The following SVIL variants were observed in gnomAD, a reference collection of about 807,000 sequenced individuals.
The protein encoded by SVIL is archvillin.
A neutral mutation model predicts 240.4 loss-of-function variants in SVIL; 101 were observed. That is an observed-to-expected ratio of 0.42 (90% CI 0.36 to 0.50). SVIL has a LOEUF of 0.50. Ranked by LOEUF, SVIL falls within the 20% of genes least tolerant of loss-of-function variation. The pLI, the probability that SVIL is intolerant of heterozygous loss-of-function variation, is 0.01. For missense variants in SVIL, 2,512 were observed against 2,818.7 expected (o/e 0.89, Z 2.46); for synonymous variants, 999 against 1,100.0 (o/e 0.91, Z 1.82).
chr10:29,695,247 G>T (rs553168011), intron 1 of SVIL, among the ~76,000 whole-genome samples: 1 of 152,254 alleles, frequency 6.6e-6, no homozygotes, highest in Admixed American at 6.5e-5. Flanking sequence ...TAGTAATTTT[G>T]AAGGTTGACT....
chr10:29,637,256 G>A (rs529789100), upstream of SVIL, among the ~76,000 whole-genome samples: 192 of 152,222 alleles, frequency 1.3e-3, no homozygotes, highest in African/African-American at 4.3e-3. Flanking sequence ...AGGCCGAGGC[G>A]GGTGGATCAC....
At chr10:29,630,829 G>C (rs961598201) in intron 1 of SVIL, among the ~76,000 whole-genome samples, 1 of 152,082 alleles carries the variant, frequency 6.6e-6, no homozygotes, top group Non-Finnish European at 1.5e-5. Context: ...GTACTGGATG[G>C]ATCACAGCCA....
At chr10:29,649,198 A>T (rs939914205) in intron 3 of SVIL, among the ~76,000 whole-genome samples, 3 of 152,140 alleles carry the variant, frequency 2.0e-5, no homozygotes, top group African/African-American at 7.2e-5. Context: ...TAAGCCAGAA[A>T]TTTTTTCATG....
intron 2 of SVIL, among the ~76,000 whole-genome samples, chr10:29,675,838 T>A (rs968441689): frequency 6.6e-6 from 1 of 152,238 alleles, no homozygotes; most frequent in Non-Finnish European, 1.5e-5. Flanking sequence ...CCCATAGAAC[T>A]GATGTTTATG....
upstream of SVIL, among the ~76,000 whole-genome samples, chr10:29,636,558 T>C (rs1958317383): frequency 6.6e-6 from 1 of 152,212 alleles, no homozygotes; most frequent in African/African-American, 2.4e-5. Context: ...GTCACTTCTT[T>C]TATATATCCT....
At chr10:29,528,695 G>A (rs1004933532) in intron 12 of SVIL, among the ~76,000 whole-genome samples, 9 of 151,966 alleles carry the variant, frequency 5.9e-5, no homozygotes, top group South Asian at 4.2e-4. Context: ...CCAAGATGGC[G>A]CACTGCATTC....
At chr10:29,590,798 T>C (rs1435182378) in intron 1 of SVIL, among the ~76,000 whole-genome samples, 5 of 152,308 alleles carry the variant, frequency 3.3e-5, no homozygotes, top group Admixed American at 2.0e-4. Flanking sequence ...AGAGTATCAG[T>C]TGAAGTACTA....
chr10:29,632,880 G>T (rs1387635320), intron 1 of SVIL, among the ~76,000 whole-genome samples: 1 of 151,978 alleles, frequency 6.6e-6, no homozygotes. Context: ...AGACTCCAAA[G>T]TTTCCATTGT....
rs201347514 is a variant in SVIL, at chr10:29,473,855, C to G, written c.5512G>C (p.Glu1838Gln). ...GGACTCACCTGGGCCCCCCTTTCCT[C>G]GTCCAGCTCCACCGTCATCAGCGCC... ...TSALMTVELD[E>Q]ERGAQVQVLQ... is the part of the protein sequence containing the mutation. The change falls in exon 30 of 38, where the codon GAG becomes CAG. Residue 1838 changes from glutamate (E) to glutamine (Q), a missense_variant. Glu to Gln is a conservative substitution (Grantham distance 29). Transcript: ENST00000355867. The G allele has an allele frequency of 6.2e-7, 1 of 1,613,976 alleles. No homozygotes were observed. Among genetic ancestry groups the G allele is most frequent in the Non-Finnish European group, 8.5e-7 (1 of 1,179,994 alleles).
chr10:29,555,496 A>G (rs991607723), intron 3 of SVIL, among the ~76,000 whole-genome samples: 1 of 152,218 alleles, frequency 6.6e-6, no homozygotes, highest in African/African-American at 2.4e-5. Flanking sequence ...TTAAAATCAC[A>G]TACATTAAAA....
chr10:29,721,149 A>C (rs551032242), intron 1 of SVIL, among the ~76,000 whole-genome samples: 1 of 152,258 alleles, frequency 6.6e-6, no homozygotes, highest in Admixed American at 6.5e-5. Flanking sequence ...TGCCCAGATT[A>C]TACTGTAAAT....
intron 1 of SVIL, among the ~76,000 whole-genome samples, chr10:29,600,270 G>A (rs901368533): frequency 2.0e-5 from 3 of 152,156 alleles, no homozygotes; most frequent in Admixed American, 2.0e-4. Context: ...AGTTATGTAT[G>A]ACACAGACTA....
chr10:29,705,652 G>A (rs538813415), intron 1 of SVIL, among the ~76,000 whole-genome samples: 30 of 152,064 alleles, frequency 2.0e-4, no homozygotes, highest in East Asian at 1.7e-3. Flanking sequence ...CGCAACCCCC[G>A]AAAGGCCCCA....
At chr10:29,552,583 T>A (rs996197707) in intron 5 of SVIL, among the ~76,000 whole-genome samples, 3 of 135,480 alleles carry the variant, frequency 2.2e-5, no homozygotes, top group Non-Finnish European at 3.3e-5. Flanking sequence ...AAAAAAAAAA[T>A]TCCCATATTT....
intron 3 of SVIL, among the ~76,000 whole-genome samples, chr10:29,652,100 A>G (rs1958857414): frequency 6.6e-6 from 1 of 152,268 alleles, no homozygotes; most frequent in Admixed American, 6.5e-5. Flanking sequence ...GTATCATTCA[A>G]TGGTTTTTAA....
chr10:29,584,733 T>C (rs963219120), intron 1 of SVIL, among the ~76,000 whole-genome samples: 22 of 152,256 alleles, frequency 1.4e-4, no homozygotes, highest in Middle Eastern at 3.4e-3. Flanking sequence ...CGGAACGTGC[T>C]GTGGGCCCAG....
intron 36 of SVIL, among the ~76,000 whole-genome samples, chr10:29,460,885 A>G (rs552229910): frequency 6.6e-6 from 1 of 152,290 alleles, no homozygotes; most frequent in East Asian, 1.9e-4. Flanking sequence ...AGCCTGGGCA[A>G]CAGAGCAAGA....
At chr10:29,604,847 C>T (rs1160914612) in intron 1 of SVIL, among the ~76,000 whole-genome samples, 1 of 152,064 alleles carries the variant, frequency 6.6e-6, no homozygotes, top group Admixed American at 6.6e-5. Context: ...GGGGTTATAG[C>T]CCCGAGCCAC....
Position 29,523,552 on chromosome 10 carries a change from G to A in SVIL, c.3062C>T (p.Ala1021Val). ...CAAGTTTCCTTGTGCATTCATTTTA[G>A]CCATGGAAAATTCCTTCGGTTCATC... ...LGDEPKEFSM[A>V]KMNAQGNLDL... The change falls in exon 15 of 38, where the codon GCT (alanine) becomes GTT (valine). Residue 1021 changes from alanine (A) to valine (V), a missense_variant. Physicochemically the swap from Ala to Val is moderately conservative, Grantham distance 64. Coordinates refer to ENST00000355867, the MANE Select transcript of SVIL (RefSeq NM_021738.3). The A allele has an allele frequency of 6.2e-7, 1 of 1,614,166 alleles. No homozygotes were observed. Among genetic ancestry groups the A allele is most frequent in the Non-Finnish European group, 8.5e-7 (1 of 1,180,036 alleles).
Sources: gnomAD v4.1 joint callset for allele counts (sites outside exome capture counted in the v4.1 genomes callset) on GRCh38, gnomAD v4.1.1 for gene constraint, MANE v1.5 for transcripts, NCBI Gene and HGNC (gene_info 2026-07-23, HGNC 2026-07-21) for gene names.